LGSN: variants seen among roughly 807,000 people sequenced by gnomAD.
LGSN encodes lengsin, lens protein with glutamine synthetase domain, also known as lengsin.
In LGSN, 21 loss-of-function variants were observed where a neutral mutation model predicts 19.5. The ratio of observed to expected loss-of-function variants is 1.07; its 90% CI spans 0.76 to 1.55. The LOEUF is 1.55. Among genes scored for constraint, LGSN ranks in the 40% most tolerant of loss-of-function variants. The probability of loss-of-function intolerance (pLI) is 0.00; values close to 1 mark genes in which losing one functional copy is unlikely to be tolerated. For missense variants in LGSN, 673 were observed against 608.5 expected (o/e 1.11, Z -1.12); for synonymous variants, 257 against 215.6 (o/e 1.19, Z -1.68).
chr6:63,453,589 CT>C, the LGSN span, among the ~76,000 whole-genome samples: 55 of 147,244 alleles, frequency 3.7e-4, no homozygotes, highest in Admixed American at 3.4e-4. Flanking sequence ...AACCACCCTG[CT>C]TTTTTTTTTG....
In LGSN at chr6:63,318,355, A is replaced by G. The variant is rs7772030; in HGVS notation, c.30+1559T>C. ...TCACATTACCAGAGCATCTAGCATGAAACACAGTCTTGTCCTTTTCCAAAC... is the reference window on the plus strand; with the variant it reads ...TCACATTACCAGAGCATCTAGCATGGAACACAGTCTTGTCCTTTTCCAAAC... On this transcript the variant is annotated intron_variant, in intron 1 of 3. Coordinates refer to ENST00000370657, the MANE Select transcript of LGSN (RefSeq NM_016571.3). 2.9e-3 allele frequency among the ~76,000 whole-genome samples: 447 copies of G among 152,304 alleles called. 3 individuals carry two copies. Among genetic ancestry groups the G allele is most frequent in the African/African-American group, 0.01 (423 of 41,554 alleles).
At chr6:63,487,604 C>T in the LGSN span, among the ~76,000 whole-genome samples, 4 of 152,190 alleles carry the variant, frequency 2.6e-5, no homozygotes, top group Non-Finnish European at 5.9e-5. Flanking sequence ...ATCCTTCTAT[C>T]CAATCCTATG....
At chr6:63,424,875 C>T in the LGSN span, among the ~76,000 whole-genome samples, 2 of 152,092 alleles carry the variant, frequency 1.3e-5, no homozygotes, top group Non-Finnish European at 1.5e-5. Context: ...TGTGCCACTG[C>T]ACTCCAGCCT....
At chr6:63,523,198 T>A in the LGSN span, among the ~76,000 whole-genome samples, 1 of 152,202 alleles carries the variant, frequency 6.6e-6, no homozygotes, top group East Asian at 1.9e-4. Flanking sequence ...TACATCACTC[T>A]TACGAGTCAT....
chr6:63,515,745 A>T, the LGSN span, among the ~76,000 whole-genome samples: 9 of 152,326 alleles, frequency 5.9e-5, no homozygotes, highest in African/African-American at 2.2e-4. Context: ...AGAGAGAAGA[A>T]TCTAAACAAA....
rs1424872565 is a variant in LGSN at position 63,295,080 on chromosome 6, A to G, written c.31-35T>C. On this transcript the variant is annotated intron_variant, in intron 1 of 3. Transcript: ENST00000370657. Reference sequence around the variant, plus strand: ...ATTAATAAACAAAAAGCCAAATAACAGATTATTCAAACAATGATATTTGGA... The same window carrying G: ...ATTAATAAACAAAAAGCCAAATAACGGATTATTCAAACAATGATATTTGGA... 5 of 1,588,932 alleles carry G rather than the reference A, an allele frequency of 3.1e-6. No individual in the cohort carries two copies. In the South Asian group the frequency reaches 3.3e-5, roughly 11 times the overall value.
the LGSN span, among the ~76,000 whole-genome samples, chr6:63,421,066 A>G: frequency 2.0e-5 from 3 of 152,196 alleles, no homozygotes; most frequent in African/African-American, 7.2e-5. Flanking sequence ...GATTAAAAAG[A>G]AAACAACAGA....
the LGSN span, among the ~76,000 whole-genome samples, chr6:63,350,857 C>A: frequency 0.049 from 7,360 of 149,388 alleles, 597 homozygotes; most frequent in African/African-American, 0.17. Flanking sequence ...AAAAAAAAAA[C>A]AAACAAACAA....
the LGSN span, among the ~76,000 whole-genome samples, chr6:63,426,868 T>C: frequency 6.6e-6 from 1 of 152,160 alleles, no homozygotes; most frequent in Non-Finnish European, 1.5e-5. Context: ...AACAAACTAT[T>C]TTCTTGACAT....
At chr6:63,528,665 G>A in the LGSN span, among the ~76,000 whole-genome samples, 1 of 152,156 alleles carries the variant, frequency 6.6e-6, no homozygotes. Context: ...GGAGGCTGAA[G>A]TGGGAGGATT....
At position 63,276,956 on chromosome 6, in the gene LGSN, C is replaced by A. The variant is rs1428991869; in HGVS notation, c.*3065G>T. 2 of 152,148 alleles carry A rather than the reference C, an allele frequency of 1.3e-5. No individual in the cohort carries two copies. Among genetic ancestry groups the A allele is most frequent in the Non-Finnish European group, 2.9e-5 (2 of 68,022 alleles). 9.4% of individuals were successfully genotyped at this position (152,148 alleles called of 1,614,324 possible). ...CTGGCCAATGCCTCTTTTTGGGTTG[C>A]CTTAAAGAACAAGAATATACATCAG... On this transcript the variant is annotated 3_prime_UTR_variant, in exon 4 of 4. Coordinates refer to ENST00000370657, the MANE Select transcript of LGSN (RefSeq NM_016571.3).
the LGSN span, chr6:63,549,504 G>A: frequency 3.0e-5 from 22 of 742,840 alleles, no homozygotes; most frequent in African/African-American, 5.2e-5. Flanking sequence ...CTTTCCTTTC[G>A]GCAGGAGGAG....
At chr6:63,376,478 G>A in the LGSN span, among the ~76,000 whole-genome samples, 1 of 152,166 alleles carries the variant, frequency 6.6e-6, no homozygotes, top group Non-Finnish European at 1.5e-5. Flanking sequence ...TCTGTCTACT[G>A]ATGCTGACAT....
intron 1 of LGSN, among the ~76,000 whole-genome samples, chr6:63,317,036 A>C (rs1409623363): frequency 6.6e-6 from 1 of 152,108 alleles, no homozygotes; most frequent in Non-Finnish European, 1.5e-5. Context: ...GGATGGATAT[A>C]TGTTTATGTA....
At chr6:63,534,283 A>G in the LGSN span, among the ~76,000 whole-genome samples, 1 of 152,182 alleles carries the variant, frequency 6.6e-6, no homozygotes, top group Non-Finnish European at 1.5e-5. Context: ...AGAAAGCAAT[A>G]TGTTTTTCTA....
chr6:63,546,910 GTATA>G, the LGSN span, among the ~76,000 whole-genome samples: 1 of 152,018 alleles, frequency 6.6e-6, no homozygotes, highest in Non-Finnish European at 1.5e-5. Context: ...AATGTGTAGT[GTATA>G]TATATAAACA....
At chr6:63,364,160 C>T in the LGSN span, among the ~76,000 whole-genome samples, 1 of 152,080 alleles carries the variant, frequency 6.6e-6, no homozygotes, top group Non-Finnish European at 1.5e-5. Flanking sequence ...CAAGACCCAT[C>T]AGTGTGCTGT....
chr6:63,538,303 C>A, the LGSN span, among the ~76,000 whole-genome samples: 1 of 152,076 alleles, frequency 6.6e-6, no homozygotes, highest in Admixed American at 6.6e-5. Flanking sequence ...AACAAGATTT[C>A]AAAAAATTGT....
At position 63,280,414 on chromosome 6, in the gene LGSN, A is replaced by G; in HGVS notation, c.1137T>C (p.Ser379=). The G allele has an allele frequency of 6.2e-7, 1 of 1,614,116 alleles. No homozygotes were observed. Among genetic ancestry groups the G allele is most frequent in the Non-Finnish European group, 8.5e-7 (1 of 1,180,018 alleles). Residue 379 remains serine (S), a synonymous_variant, in exon 4 of 4, where the codon AGT becomes AGC. Coordinates refer to ENST00000370657, the MANE Select transcript of LGSN (RefSeq NM_016571.3). ...YSKDRKDLKK[S]VPTTWGYNDN... ...CATTGTATCCCCATGTTGTAGGCAC[A>G]CTCTTCTTCAGGTCTTTCCTGTCCT... is the stretch of plus-strand genomic sequence containing the variant.
Sources: allele counts gnomAD v4.1 joint callset (sites outside exome capture counted in the v4.1 genomes callset), GRCh38; gene constraint gnomAD v4.1.1; transcripts MANE v1.5; gene names NCBI Gene and HGNC (gene_info 2026-07-23, HGNC 2026-07-21).